The following ACACA variants were observed in gnomAD, a reference collection of about 807,000 sequenced individuals.
ACACA encodes the protein acetyl-CoA carboxylase alpha.
Under a neutral mutation model 296.1 loss-of-function variants are expected in ACACA, and 103 were observed. That is an observed-to-expected ratio of 0.35 (90% CI 0.30 to 0.41). The LOEUF is 0.41. Ranked by LOEUF, ACACA falls within the 10% of genes least tolerant of loss-of-function variation. ACACA has a pLI of 1.00. For synonymous variants in ACACA, 953 were observed against 1,038.6 expected, an observed-to-expected ratio of 0.92 and a Z score of 1.58; for missense variants, 1,554 against 2,989.7, an observed-to-expected ratio of 0.52 and a Z score of 11.20.
chr17:37,406,126 T>C, intron 1 of ACACA, 136 bp downstream of exon 1: 1 of 941,062 alleles, frequency 1.1e-6, no homozygotes, highest in Non-Finnish European at 1.7e-6. Flanking sequence ...TAACAACAGG[T>C]GCCTACCTCA....
intron 45 of ACACA, among the ~76,000 whole-genome samples, chr17:37,142,012 GTTT>G (rs1044306210): frequency 1.5e-4 from 19 of 130,226 alleles, no homozygotes; most frequent in African/African-American, 5.3e-4. Context: ...GTTTTTTTTT[GTTT>G]TTTTTTTTTT....
intron 33 of ACACA, among the ~76,000 whole-genome samples, chr17:37,205,024 G>A (rs762100280): frequency 8.5e-5 from 13 of 152,150 alleles, no homozygotes; most frequent in Non-Finnish European, 1.5e-4. Flanking sequence ...GTAAGGGTTT[G>A]AATTAGAGAT....
intron 29 of ACACA, among the ~76,000 whole-genome samples, chr17:37,216,407 A>G (rs947325939): frequency 2.9e-4 from 44 of 152,168 alleles, no homozygotes; most frequent in Admixed American, 2.0e-3. Context: ...CCCCAGAAAA[A>G]AAATTTAGAA....
intron 35 of ACACA, among the ~76,000 whole-genome samples, chr17:37,193,901 G>C (rs1356484568): frequency 6.6e-6 from 1 of 151,982 alleles, no homozygotes; most frequent in Non-Finnish European, 1.5e-5. Context: ...TAATGTCAAG[G>C]GTTTAAATGA....
At chr17:37,285,998 G>A (rs1598402858) in intron 3 of ACACA, among the ~76,000 whole-genome samples, 1 of 152,054 alleles carries the variant, frequency 6.6e-6, no homozygotes, top group Non-Finnish European at 1.5e-5. Flanking sequence ...TTCAAGCGAT[G>A]CTCCTGCCTC....
chr17:37,387,663 C>G (rs943694044), intron 1 of ACACA: 1 of 152,044 alleles, frequency 6.6e-6, no homozygotes, highest in African/African-American at 2.4e-5. Context: ...CCAGGCTGGT[C>G]TCAAACTCCT....
intron 1 of ACACA, among the ~76,000 whole-genome samples, chr17:37,346,281 C>T (rs1453515979): frequency 6.8e-6 from 1 of 147,278 alleles, no homozygotes; most frequent in Non-Finnish European, 1.5e-5. Context: ...CATGCCACTG[C>T]ACTCCAGCCT....
At chr17:37,371,142 C>G (rs1318630294) in intron 1 of ACACA, among the ~76,000 whole-genome samples, 1 of 151,996 alleles carries the variant, frequency 6.6e-6, no homozygotes, top group African/African-American at 2.4e-5. Flanking sequence ...TGCAATGTCA[C>G]GATCTCGGCT....
chr17:37,334,970 T>TAATCAA (rs1455147347), intron 2 of ACACA, among the ~76,000 whole-genome samples: 1 of 152,144 alleles, frequency 6.6e-6, no homozygotes, highest in Non-Finnish European at 1.5e-5. Context: ...TAATCCCAGT[T>TAATCAA]GTCCTGGAGG....
intron 51 of ACACA, 110 bp from the exon 52 acceptor site, chr17:37,111,753 C>T: frequency 2.4e-6 from 2 of 825,590 alleles, no homozygotes; most frequent in South Asian, 2.8e-5. Context: ...GCTTCATTAT[C>T]ATTTTGCCCA....
At chr17:37,200,285 T>G in intron 34 of ACACA, 102 bp from the exon 35 acceptor site, 1 of 1,390,468 alleles carries the variant, frequency 7.2e-7, no homozygotes, top group Non-Finnish European at 1.0e-6. Flanking sequence ...TAAACTAATG[T>G]TTTTTAAAAA....
intron 51 of ACACA, among the ~76,000 whole-genome samples, chr17:37,112,569 T>C (rs1476659818): frequency 2.6e-5 from 4 of 152,108 alleles, no homozygotes; most frequent in Non-Finnish European, 5.9e-5. Flanking sequence ...GTTTAGGACT[T>C]AAAAAATAAT....
intron 3 of ACACA, among the ~76,000 whole-genome samples, chr17:37,299,927 A>C (rs2083539834): frequency 1.3e-5 from 2 of 152,248 alleles, no homozygotes; most frequent in South Asian, 4.1e-4. Context: ...ACCAATTATC[A>C]GACTGCACGG....
chr17:37,333,676 T>C (rs1337012044), intron 2 of ACACA, among the ~76,000 whole-genome samples: 1 of 151,638 alleles, frequency 6.6e-6, no homozygotes, highest in Non-Finnish European at 1.5e-5. Flanking sequence ...AATCATTATT[T>C]ACTGGACCAG....
rs555920545 is a variant in ACACA, at chr17:37,122,650, A to C, written c.6042-23T>G. ...AGCCTGATAAAACATGAGTCACATAAGAACCCAATGTATGTCAACATTATA... is the reference window on the plus strand; with the variant it reads ...AGCCTGATAAAACATGAGTCACATACGAACCCAATGTATGTCAACATTATA... On this transcript the variant is annotated intron_variant, in intron 48 of 55. Transcript: ENST00000616317. 21 of 1,592,842 alleles carry C rather than the reference A, an allele frequency of 1.3e-5. No individual in the cohort carries two copies. In the South Asian group the frequency reaches 1.9e-4, roughly 14 times the overall value.
intron 29 of ACACA, among the ~76,000 whole-genome samples, chr17:37,219,317 T>A (rs949286206): frequency 2.0e-5 from 3 of 152,182 alleles, no homozygotes; most frequent in Admixed American, 6.5e-5. Context: ...TTTGAGACCA[T>A]CCCACACTTC....
chr17:37,107,142 A>G (rs1208204068), intron 52 of ACACA, among the ~76,000 whole-genome samples: 2 of 152,336 alleles, frequency 1.3e-5, no homozygotes, highest in East Asian at 1.9e-4. Flanking sequence ...GTCAGTGAGG[A>G]CACTCCAAGT....
intron 41 of ACACA, among the ~76,000 whole-genome samples, chr17:37,168,193 A>C (rs2076755214): frequency 6.6e-6 from 1 of 152,186 alleles, no homozygotes; most frequent in Admixed American, 6.5e-5. Context: ...GATTAAATAC[A>C]TGTTAAGTCC....
chr17:37,229,013 G>A (rs368044068), intron 25 of ACACA, among the ~76,000 whole-genome samples: 23 of 151,760 alleles, frequency 1.5e-4, no homozygotes, highest in African/African-American at 4.8e-4. Context: ...GCGTGGTGGC[G>A]GGTGCCTGTA....
Sources: allele counts gnomAD v4.1 joint callset (sites outside exome capture counted in the v4.1 genomes callset), GRCh38; gene constraint gnomAD v4.1.1; transcripts MANE v1.5; gene names NCBI Gene and HGNC (gene_info 2026-07-23, HGNC 2026-07-21).